Variants in SEMA5B observed in about 807,000 individuals in gnomAD.
The protein encoded by SEMA5B is semaphorin-5B.
SEMA5B carries 66 observed loss-of-function variants against 135.0 expected under a neutral mutation model. The ratio of observed to expected loss-of-function variants is 0.49; its 90% CI spans 0.40 to 0.60. The LOEUF (loss-of-function observed/expected upper bound fraction) is 0.60, where lower values mean the gene tolerates loss of function less well. Ranked by LOEUF, SEMA5B falls within the 20% of genes least tolerant of loss-of-function variation. The probability of loss-of-function intolerance (pLI) is 0.00; values close to 1 mark genes in which losing one functional copy is unlikely to be tolerated. For missense variants in SEMA5B, 1,501 were observed against 1,566.3 expected (o/e 0.96, Z 0.70); for synonymous variants, 690 against 639.5 (o/e 1.08, Z -1.19).
intron 1 of SEMA5B, among the ~76,000 whole-genome samples, chr3:122,980,592 G>A (rs949232445): frequency 6.6e-6 from 1 of 152,154 alleles, no homozygotes; most frequent in Non-Finnish European, 1.5e-5. Flanking sequence ...CTGGCCAGCC[G>A]TGCTCTTCCT....
At chr3:122,978,266 A>G (rs946076711) in intron 1 of SEMA5B, among the ~76,000 whole-genome samples, 1 of 152,172 alleles carries the variant, frequency 6.6e-6, no homozygotes, top group Non-Finnish European at 1.5e-5. Context: ...TCGGCCTCTC[A>G]TGAGCCGATG....
intron 1 of SEMA5B, 77 bp from the exon 2 acceptor site, chr3:122,961,378 G>A: frequency 7.5e-7 from 1 of 1,325,272 alleles, no homozygotes; most frequent in Non-Finnish European, 1.0e-6. Context: ...ATATAGGCCA[G>A]ACTGCCCCAG....
chr3:122,970,474 T>C (rs1290087539), intron 1 of SEMA5B, among the ~76,000 whole-genome samples: 3 of 152,186 alleles, frequency 2.0e-5, no homozygotes, highest in African/African-American at 7.2e-5. Flanking sequence ...ATGCTTACGG[T>C]CTAGGGACCG....
intron 1 of SEMA5B, among the ~76,000 whole-genome samples, chr3:122,974,463 C>A (rs1331984578): frequency 6.6e-6 from 1 of 152,252 alleles, no homozygotes; most frequent in African/African-American, 2.4e-5. Context: ...AATGATGCAG[C>A]CTCACTGCTG....
At chr3:122,912,664 G>T (rs1194558628) in intron 18 of SEMA5B, among the ~76,000 whole-genome samples, 179 bp downstream of exon 18, 1 of 152,118 alleles carries the variant, frequency 6.6e-6, no homozygotes, top group Non-Finnish European at 1.5e-5. Context: ...TACTCCACCG[G>T]AGTAGCCATT....
At chr3:122,922,809 C>A (rs1938432122) in intron 10 of SEMA5B, among the ~76,000 whole-genome samples, 1 of 152,166 alleles carries the variant, frequency 6.6e-6, no homozygotes, top group Non-Finnish European at 1.5e-5. Context: ...TTGGGCCAAG[C>A]CTGCTGTCCC....
intron 12 of SEMA5B, 87 bp downstream of exon 12, chr3:122,921,828 G>T (rs1463631614): frequency 6.0e-6 from 7 of 1,169,104 alleles, no homozygotes; most frequent in Non-Finnish European, 8.2e-6. Context: ...TGCAGGGACC[G>T]ACCCCAGGTC....
intron 1 of SEMA5B, among the ~76,000 whole-genome samples, chr3:123,012,569 CAGTT>C (rs978324749): frequency 6.6e-6 from 1 of 152,236 alleles, no homozygotes; most frequent in Non-Finnish European, 1.5e-5. Flanking sequence ...CCGCTGCAGA[CAGTT>C]AGCCCAGTGT....
At chr3:122,911,794 C>T in intron 20 of SEMA5B, 126 bp downstream of exon 20, 4 of 1,256,116 alleles carry the variant, frequency 3.2e-6, no homozygotes, top group East Asian at 2.5e-5. Flanking sequence ...GCATCTCCTT[C>T]CCCCCACTTC....
chr3:123,023,289 A>G (rs542891076), intron 1 of SEMA5B, among the ~76,000 whole-genome samples: 1 of 152,098 alleles, frequency 6.6e-6, no homozygotes, highest in South Asian at 2.1e-4. Context: ...CTGAATGTAA[A>G]GAAAACTCAT....
At chr3:122,963,771 G>A (rs932411648) in intron 1 of SEMA5B, among the ~76,000 whole-genome samples, 2 of 152,130 alleles carry the variant, frequency 1.3e-5, no homozygotes, top group African/African-American at 4.8e-5. Context: ...ATAGAGGAAG[G>A]TGCCATAAAA....
chr3:122,936,246 C>T (rs72970520), intron 5 of SEMA5B, among the ~76,000 whole-genome samples: 3,168 of 152,246 alleles, frequency 0.021, 117 homozygotes, highest in African/African-American at 0.073. Context: ...AGGAAGCAGG[C>T]GACACCCAGG....
intron 1 of SEMA5B, among the ~76,000 whole-genome samples, chr3:123,013,060 C>T (rs548536993): frequency 6.6e-6 from 1 of 152,248 alleles, no homozygotes; most frequent in South Asian, 2.1e-4. Flanking sequence ...AGGGATGGAG[C>T]CAATGCAATG....
intron 5 of SEMA5B, among the ~76,000 whole-genome samples, chr3:122,937,521 C>T (rs1221969248): frequency 6.6e-6 from 1 of 152,186 alleles, no homozygotes; most frequent in Middle Eastern, 3.2e-3. Context: ...CACAGTGAAT[C>T]CAGTCTGAAA....
At chr3:122,955,717 G>A (rs1940262290) in intron 2 of SEMA5B, among the ~76,000 whole-genome samples, 1 of 152,212 alleles carries the variant, frequency 6.6e-6, no homozygotes, top group Non-Finnish European at 1.5e-5. Flanking sequence ...AAGGTTAATA[G>A]CTTCTTGCTT....
At chr3:122,982,894 G>T (rs1941566241) in intron 1 of SEMA5B, among the ~76,000 whole-genome samples, 1 of 152,228 alleles carries the variant, frequency 6.6e-6, no homozygotes, top group African/African-American at 2.4e-5. Flanking sequence ...AATGGGGTGG[G>T]CTCAGTTCCC....
upstream of SEMA5B, chr3:123,027,770 A>C (rs1942838843): frequency 6.6e-6 from 1 of 151,940 alleles, no homozygotes; most frequent in South Asian, 2.1e-4. Context: ...GGAGGAGGAG[A>C]CCGCGGGAGC....
chr3:122,910,368 G>A, intron 22 of SEMA5B, 67 bp from the exon 23 acceptor site: 1 of 1,550,560 alleles, frequency 6.4e-7, no homozygotes, highest in Non-Finnish European at 8.8e-7. Context: ...ACAGGCCAGA[G>A]CAAGGAGTCC....
At chr3:122,956,736 C>G (rs1940332360) in intron 2 of SEMA5B, among the ~76,000 whole-genome samples, 1 of 152,000 alleles carries the variant, frequency 6.6e-6, no homozygotes, top group South Asian at 2.1e-4. Context: ...TTGCTGGTAC[C>G]ATTCCATTCA....
Sources: allele counts gnomAD v4.1 joint callset (sites outside exome capture counted in the v4.1 genomes callset), GRCh38; gene constraint gnomAD v4.1.1; transcripts MANE v1.5; gene names NCBI Gene and HGNC (gene_info 2026-07-23, HGNC 2026-07-21).